DPP4: variants seen among roughly 807,000 people sequenced by gnomAD.
DPP4 encodes ADCP-2.
A neutral mutation model predicts 122.4 loss-of-function variants in DPP4; 93 were observed. The ratio of observed to expected loss-of-function variants is 0.76; its 90% CI spans 0.64 to 0.90. The LOEUF is 0.90. Ranked by LOEUF, DPP4 falls within the 40% of genes least tolerant of loss-of-function variation. DPP4 has a pLI of 0.00. For missense variants in DPP4, 914 were observed against 907.3 expected, an observed-to-expected ratio of 1.01 and a Z score of -0.09; for synonymous variants, 321 against 302.9, an observed-to-expected ratio of 1.06 and a Z score of -0.62.
intron 2 of DPP4, among the ~76,000 whole-genome samples, chr2:162,059,453 T>C (rs2106150656): frequency 6.6e-6 from 1 of 152,344 alleles, no homozygotes; most frequent in South Asian, 2.1e-4. Context: ...AATGACTCAC[T>C]GGCCCGTGAA....
chr2:162,062,172 T>C (rs181734283), intron 2 of DPP4, among the ~76,000 whole-genome samples: 1 of 151,278 alleles, frequency 6.6e-6, no homozygotes, highest in African/African-American at 2.4e-5. Flanking sequence ...GTGCCAGCTA[T>C]CTGGGAGGCT....
chr2:161,993,528 A>G, intron 25 of DPP4, 144 bp from the exon 26 acceptor site: 1 of 593,996 alleles, frequency 1.7e-6, no homozygotes, highest in South Asian at 2.5e-5. Context: ...ATAAACTGAA[A>G]CGGGGTCAAA....
chr2:162,037,557 C>T (rs1245605042), intron 8 of DPP4, among the ~76,000 whole-genome samples: 2 of 152,022 alleles, frequency 1.3e-5, no homozygotes, highest in African/African-American at 2.4e-5. Flanking sequence ...AAAAATAATA[C>T]GATGAAATAC....
At chr2:162,029,334 C>T (rs1366431849) in intron 10 of DPP4, among the ~76,000 whole-genome samples, 2 of 152,218 alleles carry the variant, frequency 1.3e-5, no homozygotes, top group Non-Finnish European at 2.9e-5. Flanking sequence ...AGAGCAACTG[C>T]AACCGTGGAA....
chr2:162,046,933 G>A lies in DPP4; in HGVS notation c.267C>T (p.Phe89=). 6.3e-7 allele frequency: 1 copy of A among 1,590,176 alleles called. No individual in the cohort carries two copies. Among genetic ancestry groups the A allele is most frequent in the South Asian group, 1.1e-5 (1 of 90,460 alleles). The change falls in exon 4 of 26, where the codon TTC becomes TTT. Residue 89 remains phenylalanine, a synonymous_variant. Transcript: ENST00000360534. ...FNAEYGNSSV[F]LENSTFDEFG... ...AACATACAAATGTACTGTTCTCCAA[G>A]AAAACTGAGCTGTTTCCATATTCAG...
chr2:162,030,849 A>T (rs1017629447), intron 10 of DPP4, among the ~76,000 whole-genome samples: 9 of 152,258 alleles, frequency 5.9e-5, no homozygotes, highest in Non-Finnish European at 1.2e-4. Flanking sequence ...TACATTCCAC[A>T]CAAAATCTCC....
rs150654875 is a variant in DPP4 at position 162,054,612 on chromosome 2, A to G, written c.95-7111T>C. Among the ~76,000 whole-genome samples, 397 of 152,276 alleles carry G rather than the reference A, an allele frequency of 2.6e-3. 1 individual carries two copies. The highest frequency in any genetic ancestry group is 9.2e-3 in the African/African-American group (382 of 41,560). On this transcript the variant is annotated intron_variant, in intron 2 of 25. Coordinates refer to ENST00000360534, the MANE Select transcript of DPP4 (RefSeq NM_001935.4). Reference sequence around the variant, plus strand: ...ACTCATGAATGGTTAGGTGCCTTATAAAAGGGCTGGAGGGAACTAGTCTAA... The same window carrying G: ...ACTCATGAATGGTTAGGTGCCTTATGAAAGGGCTGGAGGGAACTAGTCTAA...
chr2:162,004,335 T>C (rs1701227037), intron 23 of DPP4, among the ~76,000 whole-genome samples: 1 of 152,128 alleles, frequency 6.6e-6, no homozygotes, highest in Admixed American at 6.5e-5. Context: ...AATGTGGTTA[T>C]GAAGAAGGAA....
At chr2:161,994,865 TG>T in intron 25 of DPP4, 95 bp downstream of exon 25, 1 of 1,176,200 alleles carries the variant, frequency 8.5e-7, no homozygotes. Flanking sequence ...GTTTTTATTC[TG>T]TCCTGTCTGT....
At chr2:162,022,453 G>T (rs1315150770) in intron 12 of DPP4, among the ~76,000 whole-genome samples, 1 of 152,106 alleles carries the variant, frequency 6.6e-6, no homozygotes, top group Admixed American at 6.5e-5. Context: ...TGGATACCTT[G>T]GCCAACTTTC....
At chr2:162,062,304 A>G (rs1272417730) in intron 2 of DPP4, among the ~76,000 whole-genome samples, 2 of 152,098 alleles carry the variant, frequency 1.3e-5, no homozygotes, top group Non-Finnish European at 2.9e-5. Context: ...TAAATAATAA[A>G]TTAAAACAAT....
chr2:162,068,697 T>C (rs1044757731), intron 2 of DPP4, among the ~76,000 whole-genome samples: 1 of 152,164 alleles, frequency 6.6e-6, no homozygotes, highest in Non-Finnish European at 1.5e-5. Context: ...TATAATTTAG[T>C]GCAAGTAAGT....
chr2:162,073,991 C>T lies in DPP4; in HGVS notation c.-10G>A, dbSNP rs760366417. ...CGGCACTCACCTTCATCGTCGGCGT[C>T]TCCTCGGAAGTGAGCGTTCAGAGAA... On this transcript the variant is annotated 5_prime_UTR_variant, in exon 1 of 26. Coordinates refer to ENST00000360534, the MANE Select transcript of DPP4 (RefSeq NM_001935.4). The T allele has an allele frequency of 1.9e-6, 3 of 1,612,024 alleles. No individual in the cohort carries two copies. Among genetic ancestry groups the T allele is most frequent in the Non-Finnish European group, 2.5e-6 (3 of 1,179,120 alleles).
intron 22 of DPP4, among the ~76,000 whole-genome samples, chr2:162,007,484 C>G (rs1363877480): frequency 6.6e-6 from 1 of 151,974 alleles, no homozygotes; most frequent in Non-Finnish European, 1.5e-5. Flanking sequence ...TTACGTATTC[C>G]TTTTGTCCCA....
intron 18 of DPP4, among the ~76,000 whole-genome samples, chr2:162,015,660 T>G (rs186137425): frequency 6.6e-6 from 1 of 152,230 alleles, no homozygotes; most frequent in East Asian, 1.9e-4. Flanking sequence ...CTTTCTGTAC[T>G]TTGAATGGCT....
chr2:162,018,979 T>TA, intron 15 of DPP4, 129 bp from the exon 16 acceptor site: 1 of 1,124,118 alleles, frequency 8.9e-7, no homozygotes, highest in Non-Finnish European at 1.3e-6. Flanking sequence ...TTTTTTTTTT[T>TA]AGCATGAAAT....
chr2:162,003,330 C>T (rs368148011), intron 23 of DPP4, among the ~76,000 whole-genome samples: 6 of 151,814 alleles, frequency 4.0e-5, no homozygotes, highest in East Asian at 1.9e-4. Flanking sequence ...TCGGTGGGAA[C>T]GAGGAGCCTA....
chr2:162,017,049 T>A, intron 17 of DPP4, 59 bp downstream of exon 17: 1 of 1,549,664 alleles, frequency 6.5e-7, no homozygotes, highest in Non-Finnish European at 8.8e-7. Context: ...TAAGTACATG[T>A]TAGACTTATG....
rs534336540 is a variant in DPP4, at chr2:162,069,178, A to G, written c.94+4221T>C. ...AAGTTTCTATAAATCTTCTGTAGGA[A>G]TGGAGAGGGTAATAGTACCTCTCTT... On this transcript the variant is annotated intron_variant, in intron 2 of 25. Coordinates refer to ENST00000360534, the MANE Select transcript of DPP4 (RefSeq NM_001935.4). Among the ~76,000 whole-genome samples, 3 of 152,350 alleles carry G rather than the reference A, an allele frequency of 2.0e-5. No individual in the cohort carries two copies. The East Asian group carries it at 5.8e-4, about 29-fold the overall frequency.
Sources: gnomAD v4.1 joint callset for allele counts (sites outside exome capture counted in the v4.1 genomes callset) on GRCh38, gnomAD v4.1.1 for gene constraint, MANE v1.5 for transcripts, NCBI Gene and HGNC (gene_info 2026-07-23, HGNC 2026-07-21) for gene names.